DNAJC3: variants seen among roughly 807,000 people sequenced by gnomAD.
DNAJC3 encodes dnaJ homolog subfamily C member 3.
DNAJC3 carries 38 observed loss-of-function variants against 68.6 expected under a neutral mutation model. The observed-to-expected ratio is 0.55, with a 90% CI of 0.43 to 0.73. The LOEUF (loss-of-function observed/expected upper bound fraction) is 0.73. Among genes scored for constraint, DNAJC3 ranks in the 30% least tolerant of loss-of-function variants. The probability of loss-of-function intolerance (pLI) is 0.00; values close to 1 mark genes in which losing one functional copy is unlikely to be tolerated. For missense variants in DNAJC3, 526 were observed against 591.9 expected, an observed-to-expected ratio of 0.89 and a Z score of 1.16; for synonymous variants, 203 against 204.0, an observed-to-expected ratio of 1.00 and a Z score of 0.04.
chr13:95,768,058 G>C (rs1883053861), intron 9 of DNAJC3, among the ~76,000 whole-genome samples: 1 of 152,054 alleles, frequency 6.6e-6, no homozygotes, highest in Non-Finnish European at 1.5e-5. Flanking sequence ...TAATGGGCTT[G>C]AGGTGGTACC....
At chr13:95,773,735 T>C (rs1265814841) in intron 9 of DNAJC3, among the ~76,000 whole-genome samples, 7 of 133,404 alleles carry the variant, frequency 5.2e-5, no homozygotes, top group African/African-American at 2.1e-4. Flanking sequence ...GTTGGTCTTT[T>C]TTTTTTTTTT....
intron 7 of DNAJC3, 141 bp from the exon 8 acceptor site, chr13:95,763,502 A>C: frequency 1.5e-6 from 1 of 688,262 alleles, no homozygotes. Context: ...CTCTAGATTA[A>C]TAAGGGAAAA....
chr13:95,729,666 C>T (rs77572012), intron 4 of DNAJC3, among the ~76,000 whole-genome samples: 1 of 152,186 alleles, frequency 6.6e-6, no homozygotes, highest in Non-Finnish European at 1.5e-5. Context: ...TTCTTGCCAG[C>T]ATCCATTATT....
chr13:95,723,396 G>C, intron 3 of DNAJC3, 30 bp downstream of exon 3: 1 of 1,593,540 alleles, frequency 6.3e-7, no homozygotes, highest in African/African-American at 1.3e-5. Context: ...CTTTAAAGGG[G>C]AACTTAACAG....
At chr13:95,786,397 C>T (rs1345307184) in intron 10 of DNAJC3, among the ~76,000 whole-genome samples, 1 of 151,806 alleles carries the variant, frequency 6.6e-6, no homozygotes, top group South Asian at 2.1e-4. Flanking sequence ...GAGGAGGAGA[C>T]GGAATGAGTA....
At chr13:95,755,779 AAAAAAAG>A (rs1882639974) in intron 4 of DNAJC3, among the ~76,000 whole-genome samples, 2 of 150,794 alleles carry the variant, frequency 1.3e-5, no homozygotes, top group African/African-American at 2.4e-5. Flanking sequence ...AAAAAAAAAA[AAAAAAAG>A]AATAAAAAAA....
intron 1 of DNAJC3, among the ~76,000 whole-genome samples, chr13:95,687,097 A>G (rs1403198094): frequency 6.6e-6 from 1 of 152,116 alleles, no homozygotes; most frequent in Non-Finnish European, 1.5e-5. Context: ...CTCCTTGGTC[A>G]GTGTTTTCCT....
chr13:95,758,137 A>G (rs944098700), intron 5 of DNAJC3, among the ~76,000 whole-genome samples: 1 of 152,194 alleles, frequency 6.6e-6, no homozygotes, highest in African/African-American at 2.4e-5. Flanking sequence ...AGGAAAAATG[A>G]TGTTCGGGAG....
intron 9 of DNAJC3, among the ~76,000 whole-genome samples, chr13:95,768,944 C>T (rs1193923037): frequency 3.3e-5 from 5 of 152,022 alleles, no homozygotes; most frequent in African/African-American, 1.2e-4. Flanking sequence ...CATTGCATTC[C>T]AGCCTGGGCA....
chr13:95,680,527 T>G (rs1879885320), intron 1 of DNAJC3, among the ~76,000 whole-genome samples: 2 of 152,144 alleles, frequency 1.3e-5, no homozygotes, highest in South Asian at 4.1e-4. Context: ...TTAAATAAAT[T>G]AAGTATCATA....
In DNAJC3 at chr13:95,793,921, T is replaced by TAGAC. The variant is rs1555330443; in HGVS notation, c.*2893_*2896dup. 7 of 152,200 alleles carry TAGAC rather than the reference T, an allele frequency of 4.6e-5. No individual in the cohort carries two copies. The highest frequency in any genetic ancestry group is 3.3e-4 in the Admixed American group (5 of 15,278). The allele number at this position is 152,200 out of a possible 1,614,324, so 9.4% of individuals were successfully genotyped here. A position where few individuals can be genotyped will look rare whatever the true frequency, so the allele number is the denominator to read the frequency against. On this transcript the variant is annotated 3_prime_UTR_variant, in exon 12 of 12. Coordinates refer to ENST00000602402, the MANE Select transcript of DNAJC3 (RefSeq NM_006260.5). ...GGATATTTTGCCCAGCAGGAAGTAT[T>TAGAC]AGACACATCAGTCTAGAAGCATTGT...
At chr13:95,711,035 C>T (rs1880939952) in intron 2 of DNAJC3, among the ~76,000 whole-genome samples, 1 of 152,158 alleles carries the variant, frequency 6.6e-6, no homozygotes, top group South Asian at 2.1e-4. Flanking sequence ...GAAAAACTAT[C>T]ATCCTATTGT....
intron 1 of DNAJC3, among the ~76,000 whole-genome samples, chr13:95,697,786 G>GGTT (rs1491433954): frequency 1.8e-5 from 2 of 112,298 alleles, no homozygotes; most frequent in African/African-American, 7.0e-5. Context: ...CCTTCAAGAA[G>GGTT]TTTTTTTTTT....
At chr13:95,718,647 C>A (rs556710454) in intron 2 of DNAJC3, among the ~76,000 whole-genome samples, 1 of 152,158 alleles carries the variant, frequency 6.6e-6, no homozygotes, top group South Asian at 2.1e-4. Flanking sequence ...GTGATCCACC[C>A]GCCTTGGCCT....
At chr13:95,778,969 T>A (rs1883359575) in intron 9 of DNAJC3, among the ~76,000 whole-genome samples, 1 of 152,216 alleles carries the variant, frequency 6.6e-6, no homozygotes, top group Non-Finnish European at 1.5e-5. Flanking sequence ...CAGCCATACA[T>A]CTAGAGCCAA....
At chr13:95,744,588 A>C (rs1211162631) in intron 4 of DNAJC3, 1 of 152,226 alleles carries the variant, frequency 6.6e-6, no homozygotes, top group African/African-American at 2.4e-5. Context: ...TCAGATTAAC[A>C]ATTGGCAAAT....
rs1396945633 is a variant in DNAJC3, at chr13:95,739,318, C to T, written c.393+14066C>T. 3.3e-5 allele frequency among the ~76,000 whole-genome samples: 5 copies of T among 151,068 alleles called. No individual in the cohort carries two copies. The South Asian group carries it at 8.4e-4, about 25-fold the overall frequency. Reference sequence around the variant, plus strand: ...TTATGTGTCTTGGAGTTGCTCTTCTCGAGGAGTATCTTTGTGGCATTCTCT... The same window carrying T: ...TTATGTGTCTTGGAGTTGCTCTTCTTGAGGAGTATCTTTGTGGCATTCTCT... On this transcript the variant is annotated intron_variant, in intron 4 of 11. Transcript: ENST00000602402.
chr13:95,759,513 T>C (rs1296723883), intron 5 of DNAJC3, among the ~76,000 whole-genome samples: 1 of 152,168 alleles, frequency 6.6e-6, no homozygotes, highest in Non-Finnish European at 1.5e-5. Context: ...GAGATCTTGC[T>C]TTGCTGCCTA....
At chr13:95,700,464 C>A (rs976875970) in intron 1 of DNAJC3, among the ~76,000 whole-genome samples, 2 of 152,102 alleles carry the variant, frequency 1.3e-5, no homozygotes, top group African/African-American at 4.8e-5. Context: ...TCCTTTCTTT[C>A]CATTCCTTAT....
Sources: gnomAD v4.1 joint callset for allele counts (sites outside exome capture counted in the v4.1 genomes callset) on GRCh38, gnomAD v4.1.1 for gene constraint, MANE v1.5 for transcripts, NCBI Gene and HGNC (gene_info 2026-07-23, HGNC 2026-07-21) for gene names.